The following LRRIQ1 variants were observed in gnomAD, a reference collection of about 807,000 sequenced individuals.
LRRIQ1 encodes leucine-rich repeat- and IQ domain-containing protein 1.
Under a neutral mutation model 211.9 loss-of-function variants are expected in LRRIQ1, and 210 were observed. The observed-to-expected ratio is 0.99, with a 90% CI of 0.89 to 1.11. The LOEUF (loss-of-function observed/expected upper bound fraction) is 1.11, where lower values mean the gene tolerates loss of function less well. Among genes scored for constraint, LRRIQ1 ranks in the 50% most tolerant of loss-of-function variants. LRRIQ1 has a pLI of 0.00. For missense variants in LRRIQ1, 2,136 were observed against 1,939.5 expected (o/e 1.10, Z -1.90); for synonymous variants, 699 against 650.1 (o/e 1.08, Z -1.14).
chr12:85,116,950 T>A (rs1181991001), intron 15 of LRRIQ1, among the ~76,000 whole-genome samples: 3 of 152,066 alleles, frequency 2.0e-5, no homozygotes, highest in South Asian at 4.1e-4. Flanking sequence ...TTATCCAATC[T>A]GTCATTGATA....
At chr12:85,187,296 A>C (rs1892271680) in intron 24 of LRRIQ1, among the ~76,000 whole-genome samples, 1 of 152,156 alleles carries the variant, frequency 6.6e-6, no homozygotes, top group African/African-American at 2.4e-5. Context: ...TTTGTCAGTC[A>C]TGTGTTTAGA....
chr12:85,203,538 A>C (rs2137030471), intron 24 of LRRIQ1, among the ~76,000 whole-genome samples: 1 of 152,222 alleles, frequency 6.6e-6, no homozygotes, highest in South Asian at 2.1e-4. Flanking sequence ...CTTTGCCCAA[A>C]ATGCTGATAG....
chr12:85,050,671 G>A (rs911755865), intron 6 of LRRIQ1, among the ~76,000 whole-genome samples: 4 of 151,926 alleles, frequency 2.6e-5, no homozygotes, highest in Non-Finnish European at 5.9e-5. Context: ...GTCTAACTTG[G>A]GATATTTACT....
At chr12:85,111,627 A>C (rs1887181571) in intron 15 of LRRIQ1, among the ~76,000 whole-genome samples, 1 of 152,148 alleles carries the variant, frequency 6.6e-6, no homozygotes, top group Non-Finnish European at 1.5e-5. Context: ...TTTAGTGAGC[A>C]ATAGAGAACA....
Position 85,047,401 on chromosome 12 carries a change from A to G in LRRIQ1, c.609A>G (p.Glu203=). The part of the protein sequence containing the change: ...RDREEKQFQE[E]EEKRHCWMKQ... ...GAGAAGAAAAACAATTTCAAGAAGAAGAAGAAAAGCGACATTGCTGGATGA... is the reference window on the plus strand; with the variant it reads ...GAGAAGAAAAACAATTTCAAGAAGAGGAAGAAAAGCGACATTGCTGGATGA... Residue 203 remains glutamate, a synonymous_variant, in exon 6 of 27, where the codon GAA becomes GAG. Transcript: ENST00000393217. 1 of 1,612,816 alleles carries G rather than the reference A, an allele frequency of 6.2e-7. No individual in the cohort carries two copies. The highest frequency in any genetic ancestry group is 2.2e-5 in the East Asian group (1 of 44,740).
chr12:85,089,916 C>A (rs1186582098), intron 11 of LRRIQ1, among the ~76,000 whole-genome samples: 1 of 152,110 alleles, frequency 6.6e-6, no homozygotes, highest in Non-Finnish European at 1.5e-5. Context: ...ATAGCCAAGA[C>A]AATAAGGAAA....
rs1880420231 is a variant in LRRIQ1, at chr12:85,052,185, G to T, written c.687G>T (p.Gln229His). The part of the protein sequence containing the change: ...KKLENIQKQE[Q>H]DKMNDELYKE... ...TATTATCATATGTTCAGCAAGAACA[G>T]GACAAGATGAATGATGAACTCTATA... is the stretch of plus-strand genomic sequence containing the variant. The change falls in exon 7 of 27, where the codon CAG (glutamine) becomes CAT (histidine). Residue 229 changes from glutamine to histidine, a missense_variant. By Grantham distance (24) the Gln-to-His change is conservative. Coordinates refer to ENST00000393217, the MANE Select transcript of LRRIQ1 (RefSeq NM_001079910.2). 1.3e-6 allele frequency: 2 copies of T among 1,528,370 alleles called. No individual in the cohort carries two copies. The highest frequency in any genetic ancestry group is 1.9e-5 in the Admixed American group (1 of 53,160). 94.7% of individuals were successfully genotyped at this position (1,528,370 alleles called of 1,614,324 possible).
intron 24 of LRRIQ1, among the ~76,000 whole-genome samples, chr12:85,161,828 C>G (rs573941267): frequency 5.1e-4 from 78 of 152,224 alleles, no homozygotes; most frequent in Non-Finnish European, 9.6e-4. Flanking sequence ...ATCACGAGAT[C>G]AGGAGATCGA....
chr12:85,257,568 T>C (rs73165932), intron 1 of LRRIQ1, among the ~76,000 whole-genome samples: 12,435 of 151,576 alleles, frequency 0.082, 714 homozygotes, highest in East Asian at 0.18. Flanking sequence ...ATCCAGTCAA[T>C]TTAAAAGTTT....
intron 24 of LRRIQ1, among the ~76,000 whole-genome samples, chr12:85,194,888 G>T (rs1415439703): frequency 9.2e-5 from 14 of 152,014 alleles, no homozygotes. Context: ...CCAGGAGCTG[G>T]TTTTTTGAAA....
At chr12:85,097,091 G>A (rs890469156) in intron 11 of LRRIQ1, among the ~76,000 whole-genome samples, 2 of 152,098 alleles carry the variant, frequency 1.3e-5, no homozygotes, top group Non-Finnish European at 1.5e-5. Context: ...CAGACAGATG[G>A]GTCTTGTTTT....
At chr12:85,108,047 C>A (rs1213081680) in intron 15 of LRRIQ1, among the ~76,000 whole-genome samples, 7 of 151,812 alleles carry the variant, frequency 4.6e-5, no homozygotes, top group Non-Finnish European at 1.0e-4. Flanking sequence ...TTCACTGATT[C>A]TGGATCATAT....
intron 24 of LRRIQ1, among the ~76,000 whole-genome samples, chr12:85,226,593 C>G (rs1894666751): frequency 7.0e-6 from 1 of 143,644 alleles, no homozygotes; most frequent in Non-Finnish European, 1.5e-5. Flanking sequence ...AGGTTTGTTA[C>G]ATATGTATAC....
intron 6 of LRRIQ1, chr12:85,048,389 C>T (rs1173411023): frequency 6.6e-6 from 1 of 152,102 alleles, no homozygotes; most frequent in African/African-American, 2.4e-5. Flanking sequence ...GAAACCCCGT[C>T]TCTACTAAAA....
At chr12:85,251,430 A>G (rs954739411) in intron 1 of LRRIQ1, among the ~76,000 whole-genome samples, 5 of 152,002 alleles carry the variant, frequency 3.3e-5, no homozygotes, top group South Asian at 2.1e-4. Context: ...GTAGTAAAAG[A>G]TGATTAATAT....
intron 24 of LRRIQ1, among the ~76,000 whole-genome samples, chr12:85,203,042 C>A (rs1893377584): frequency 6.6e-6 from 1 of 152,270 alleles, no homozygotes; most frequent in South Asian, 2.1e-4. Context: ...ACTGTACTCC[C>A]ATAATTCCCA....
intron 18 of LRRIQ1, among the ~76,000 whole-genome samples, chr12:85,133,610 G>A (rs1313348291): frequency 6.6e-6 from 1 of 152,086 alleles, no homozygotes; most frequent in African/African-American, 2.4e-5. Context: ...GTGGCACTGG[G>A]GGTAGACGGA....
chr12:85,190,245 A>G (rs1229400431), intron 24 of LRRIQ1, among the ~76,000 whole-genome samples: 1 of 144,914 alleles, frequency 6.9e-6, no homozygotes, highest in East Asian at 2.1e-4. Flanking sequence ...AATATACATT[A>G]TATTATATAT....
At chr12:85,064,475 C>T (rs935729505) in intron 8 of LRRIQ1, among the ~76,000 whole-genome samples, 2 of 151,704 alleles carry the variant, frequency 1.3e-5, no homozygotes, top group East Asian at 1.9e-4. Context: ...TGGACTGTCT[C>T]TCCACTTTGT....
Sources: gnomAD v4.1 joint callset for allele counts (sites outside exome capture counted in the v4.1 genomes callset) on GRCh38, gnomAD v4.1.1 for gene constraint, MANE v1.5 for transcripts, NCBI Gene and HGNC (gene_info 2026-07-23, HGNC 2026-07-21) for gene names.